Variants in FGF13 observed in about 807,000 individuals in gnomAD.
FGF13 encodes fibroblast growth factor 13, also known as fibroblast growth factor homologous factor 2.
In FGF13, 2 loss-of-function variants were observed where a neutral mutation model predicts 19.5. The ratio of observed to expected loss-of-function variants is 0.10; its 90% CI spans 0.04 to 0.32. The LOEUF (loss-of-function observed/expected upper bound fraction) is 0.32. Ranked by LOEUF, FGF13 falls within the 10% of genes least tolerant of loss-of-function variation. The pLI is 1.00. For missense variants in FGF13, 113 were observed against 192.7 expected (o/e 0.59, Z 2.45); for synonymous variants, 72 against 76.9 (o/e 0.94, Z 0.33).
intron 1 of FGF13, among the ~76,000 whole-genome samples, chrX:139,065,432 T>C (rs1353823826): frequency 2.3e-5 from 2 of 86,466 alleles, no homozygotes; most frequent in African/African-American, 4.6e-5. Flanking sequence ...AAGACACACA[T>C]AGGCTCAAAA....
downstream of FGF13, among the ~76,000 whole-genome samples, chrX:138,853,621 G>A (rs777130918): frequency 7.1e-4 from 23 of 32,454 alleles, no homozygotes; most frequent in Non-Finnish European, 1.3e-3. Flanking sequence ...GTGCGTGTGC[G>A]TGTGTGTGTG....
In FGF13 at chrX:139,178,115, G is replaced by A. The variant is rs145655763; in HGVS notation, c.-113+25301C>T. Among the ~76,000 whole-genome samples the A allele has an allele frequency of 4.5e-3, 501 of 112,230 alleles. 6 individuals carry two copies. The highest frequency in any genetic ancestry group is 0.016 in the African/African-American group (482 of 30,927). On this transcript the variant is annotated intron_variant, in intron 1 of 2. Transcript: ENST00000421460. Reference sequence around the variant, plus strand: ...AATGCAGAAATCACCTGCCTTCTGCGTTGATCTCGCTGGGAGCTGCAGACT... The same window carrying A: ...AATGCAGAAATCACCTGCCTTCTGCATTGATCTCGCTGGGAGCTGCAGACT...
intron 3 of FGF13, among the ~76,000 whole-genome samples, chrX:138,643,268 G>A (rs950429425): frequency 8.0e-5 from 9 of 111,882 alleles, no homozygotes; most frequent in African/African-American, 2.9e-4. Flanking sequence ...GGATTACCCA[G>A]GCTCTCCATT....
intron 3 of FGF13, among the ~76,000 whole-genome samples, chrX:138,808,367 G>C (rs2090890228): frequency 8.9e-6 from 1 of 111,970 alleles, no homozygotes; most frequent in South Asian, 3.7e-4. Context: ...AATGAAGGCA[G>C]AAATAAAGAT....
chrX:139,167,873 G>A (rs1037685721), intron 1 of FGF13, among the ~76,000 whole-genome samples: 1 of 112,218 alleles, frequency 8.9e-6, no homozygotes, highest in African/African-American at 3.2e-5. Flanking sequence ...TATAAGTGCT[G>A]TGGATTAATA....
intron 3 of FGF13, among the ~76,000 whole-genome samples, chrX:138,778,801 G>T (rs952637627): frequency 1.2e-3 from 131 of 112,712 alleles, no homozygotes; most frequent in Admixed American, 2.5e-3. Flanking sequence ...AGCTCGAACT[G>T]GGTGGAGCCC....
chrX:139,169,364 T>G (rs2084111531), intron 1 of FGF13, among the ~76,000 whole-genome samples: 1 of 111,701 alleles, frequency 9.0e-6, no homozygotes, highest in African/African-American at 3.3e-5. Flanking sequence ...ACTGTCTGAA[T>G]ATCAGCCTCA....
At chrX:139,113,808 G>A (rs1464243297) in intron 1 of FGF13, among the ~76,000 whole-genome samples, 1 of 111,752 alleles carries the variant, frequency 8.9e-6, no homozygotes, top group Non-Finnish European at 1.9e-5. Context: ...AGTGCCTGTT[G>A]CCACTCTGAA....
At chrX:139,083,582 C>A (rs778594042) in intron 1 of FGF13, among the ~76,000 whole-genome samples, 1 of 112,070 alleles carries the variant, frequency 8.9e-6, no homozygotes. Flanking sequence ...AGAAAGTATC[C>A]CAGGGAGGGC....
At chrX:139,052,110 A>G (rs2092304592) in intron 1 of FGF13, among the ~76,000 whole-genome samples, 1 of 111,913 alleles carries the variant, frequency 8.9e-6, no homozygotes, top group Non-Finnish European at 1.9e-5. Flanking sequence ...ATGGTTATTT[A>G]TAAAAATCAT....
At chrX:138,788,604 A>G (rs183274614) in intron 3 of FGF13, among the ~76,000 whole-genome samples, 133 of 111,617 alleles carry the variant, frequency 1.2e-3, no homozygotes, top group African/African-American at 4.1e-3. Flanking sequence ...CAAGCAAATA[A>G]CTCTGTGGTC....
intron 3 of FGF13, among the ~76,000 whole-genome samples, chrX:138,801,748 G>T (rs887684074): frequency 8.9e-6 from 1 of 112,291 alleles, no homozygotes; most frequent in African/African-American, 3.2e-5. Context: ...GCCCCTGACT[G>T]GGGCTACTGC....
chrX:139,164,385 G>A (rs1175895293), intron 1 of FGF13, among the ~76,000 whole-genome samples: 2 of 111,007 alleles, frequency 1.8e-5, no homozygotes, highest in African/African-American at 6.6e-5. Context: ...TGATTTAAAT[G>A]TCAAATCACA....
intron 1 of FGF13, among the ~76,000 whole-genome samples, chrX:139,099,790 G>T (rs751432546): frequency 1.8e-5 from 2 of 111,431 alleles, no homozygotes; most frequent in Admixed American, 1.9e-4. Flanking sequence ...ATTTCAGAGA[G>T]AATTTTTTTA....
intron 3 of FGF13, among the ~76,000 whole-genome samples, chrX:138,833,109 C>T (rs2091086711): frequency 8.9e-6 from 1 of 112,128 alleles, no homozygotes; most frequent in African/African-American, 3.2e-5. Context: ...ATGCCTCCTA[C>T]TTTGTTCTTT....
chrX:138,971,297 A>G (rs1203501995), intron 1 of FGF13, among the ~76,000 whole-genome samples: 1 of 112,389 alleles, frequency 8.9e-6, no homozygotes. Flanking sequence ...AGAATTAAAT[A>G]TAATGTTACA....
intron 3 of FGF13, among the ~76,000 whole-genome samples, chrX:138,689,207 T>G (rs1217780779): frequency 8.9e-6 from 1 of 112,190 alleles, no homozygotes; most frequent in East Asian, 2.8e-4. Flanking sequence ...GAAAGGTAGC[T>G]AAGTCTGAAA....
Position 139,162,264 on chromosome X carries a change from C to A in FGF13, c.-113+41152G>T, listed in dbSNP as rs146031644. Among the ~76,000 whole-genome samples the A allele has an allele frequency of 2.6e-3, 290 of 112,139 alleles. 2 individuals are homozygous for A. The highest frequency in any genetic ancestry group is 9.0e-3 in the African/African-American group (277 of 30,871). On this transcript the variant is annotated intron_variant, in intron 1 of 2. Transcript: ENST00000421460. Reference sequence around the variant, plus strand: ...AGCCACACATCTACAACCTTCTGATCTTTGACAAACCTGACAAAAACAAGC... The same window carrying A: ...AGCCACACATCTACAACCTTCTGATATTTGACAAACCTGACAAAAACAAGC...
chrX:138,890,394 T>C (rs1282218940), intron 1 of FGF13, among the ~76,000 whole-genome samples: 1 of 111,565 alleles, frequency 9.0e-6, no homozygotes, highest in African/African-American at 3.3e-5. Flanking sequence ...ATATGAATCA[T>C]TGGTGTCATT....
Sources: gnomAD v4.1 joint callset for allele counts (sites outside exome capture counted in the v4.1 genomes callset) on GRCh38, gnomAD v4.1.1 for gene constraint, MANE v1.5 for transcripts, NCBI Gene and HGNC (gene_info 2026-07-23, HGNC 2026-07-21) for gene names.